TMPRSS9: variants seen among roughly 807,000 people sequenced by gnomAD.
The protein encoded by TMPRSS9 is transmembrane serine protease 9.
A neutral mutation model predicts 111.4 loss-of-function variants in TMPRSS9; 113 were observed. The ratio of observed to expected loss-of-function variants is 1.01; its 90% CI spans 0.87 to 1.19. The LOEUF (loss-of-function observed/expected upper bound fraction) is 1.19. TMPRSS9 is among the 50% of genes most tolerant of loss of function. The pLI is 0.00. For synonymous variants in TMPRSS9, 805 were observed against 659.1 expected (o/e 1.22, Z -3.39); for missense variants, 1,803 against 1,513.1 (o/e 1.19, Z -3.18).
At chr19:2,397,102 G>T (rs1040516556) in intron 2 of TMPRSS9, among the ~76,000 whole-genome samples, 1 of 151,692 alleles carries the variant, frequency 6.6e-6, no homozygotes, top group Non-Finnish European at 1.5e-5. Context: ...TGTATTTTTA[G>T]TAGAGACGGG....
intron 6 of TMPRSS9, 66 bp from the exon 8 acceptor site, chr19:2,405,308 G>C: frequency 8.6e-6 from 13 of 1,509,930 alleles, no homozygotes; most frequent in Non-Finnish European, 1.1e-5. Context: ...AGAGATGCAT[G>C]TTCTGGGAGT....
At chr19:2,409,600 G>C (rs993797369) in intron 8 of TMPRSS9, among the ~76,000 whole-genome samples, 1 of 152,130 alleles carries the variant, frequency 6.6e-6, no homozygotes, top group African/African-American at 2.4e-5. Context: ...GGTGGGGGTG[G>C]CAGCTGCAGC....
chr19:2,369,266 T>G, intron 1 of TMPRSS9, among the ~76,000 whole-genome samples: 1 of 97,666 alleles, frequency 1.0e-5, no homozygotes, highest in African/African-American at 3.1e-5. Flanking sequence ...TTAAAAAAAA[T>G]TTTTTTGTAC....
intron 8 of TMPRSS9, 55 bp downstream of exon 9, chr19:2,408,685 C>G: frequency 6.4e-7 from 1 of 1,571,420 alleles, no homozygotes; most frequent in African/African-American, 1.3e-5. Flanking sequence ...GGGCAAATAA[C>G]GCAGAAAAGG....
intron 1 of TMPRSS9, among the ~76,000 whole-genome samples, chr19:2,382,695 A>C (rs7246609): frequency 6.6e-6 from 1 of 151,770 alleles, no homozygotes; most frequent in African/African-American, 2.4e-5. Context: ...ACATGCACAC[A>C]TGCACACACA....
At position 2,422,038 on chromosome 19, in the gene TMPRSS9, C is replaced by T. The variant is rs139183825; in HGVS notation, c.2339C>T (p.Ser780Leu). Reference sequence around the variant, plus strand: ...CAGCCCCTTCCCATGTCTCCCCCCTCGACCACAAGGATGCTGGCCACCACC... The same window carrying T: ...CAGCCCCTTCCCATGTCTCCCCCCTTGACCACAAGGATGCTGGCCACCACC... The change falls in exon 14 of 18, where the codon TCG becomes TTG. Residue 780 changes from serine to leucine, a missense_variant. Coordinates refer to ENST00000648592, the Ensembl canonical transcript of TMPRSS9. The T allele has an allele frequency of 3.2e-4, 518 of 1,612,744 alleles. No homozygotes were observed. The highest frequency in any genetic ancestry group is 5.8e-4 in the Admixed American group (35 of 59,972).
chr19:2,401,255 CAGAG>C (rs1358635740), intron 4 of TMPRSS9, among the ~76,000 whole-genome samples: 1 of 151,772 alleles, frequency 6.6e-6, no homozygotes, highest in Non-Finnish European at 1.5e-5. Flanking sequence ...GCCTGGGCGA[CAGAG>C]GGAGACTCCG....
At chr19:2,405,728 C>T (rs1299211258) in intron 7 of TMPRSS9, among the ~76,000 whole-genome samples, 183 bp downstream of exon 8, 3 of 140,524 alleles carry the variant, frequency 2.1e-5, no homozygotes, top group Non-Finnish European at 4.6e-5. Flanking sequence ...TTTTTTGAGA[C>T]AGAATCTCGC....
chr19:2,417,791 G>A (rs1349526820), intron 12 of TMPRSS9, among the ~76,000 whole-genome samples: 4 of 152,172 alleles, frequency 2.6e-5, no homozygotes, highest in Non-Finnish European at 5.9e-5. Flanking sequence ...CAGCCCCATG[G>A]GGACAGTGGG....
chr19:2,380,997 C>A (rs1482223376), intron 1 of TMPRSS9, among the ~76,000 whole-genome samples: 1 of 152,096 alleles, frequency 6.6e-6, no homozygotes, highest in African/African-American at 2.4e-5. Flanking sequence ...GTGTCTAAAT[C>A]AAAGACCCCT....
chr19:2,395,278 G>C (rs1267032328), intron 1 of TMPRSS9, among the ~76,000 whole-genome samples: 1 of 152,050 alleles, frequency 6.6e-6, no homozygotes, highest in Non-Finnish European at 1.5e-5. Flanking sequence ...AAACTAGCCA[G>C]GTGTGGTGGT....
chr19:2,404,874 G>A (rs1259746792), intron 6 of TMPRSS9, among the ~76,000 whole-genome samples: 1 of 150,064 alleles, frequency 6.7e-6, no homozygotes, highest in African/African-American at 2.5e-5. Context: ...AGAGCTTGCA[G>A]TGAGTTGAGA....
chr19:2,407,877 C>T (rs928831715), intron 7 of TMPRSS9, among the ~76,000 whole-genome samples: 2 of 151,914 alleles, frequency 1.3e-5, no homozygotes, highest in East Asian at 1.9e-4. Flanking sequence ...CTCCACCTCC[C>T]GGGTTCAAGC....
intron 5 of TMPRSS9, 141 bp from the exon 7 acceptor site, chr19:2,402,935 CAAAAAT>C (rs1970882656): frequency 1.6e-6 from 1 of 633,978 alleles, no homozygotes; most frequent in South Asian, 1.8e-5. Context: ...GTCTCAAAAA[CAAAAAT>C]AAAAACAAGG....
chr19:2,407,462 A>G (rs1031642295), intron 7 of TMPRSS9, among the ~76,000 whole-genome samples: 15 of 151,704 alleles, frequency 9.9e-5, no homozygotes, highest in Non-Finnish European at 1.9e-4. Flanking sequence ...GGGAGGTGGA[A>G]GTTGCAGTGA....
At chr19:2,360,749 G>C (rs1970188158) in intron 1 of TMPRSS9, among the ~76,000 whole-genome samples, 1 of 151,754 alleles carries the variant, frequency 6.6e-6, no homozygotes, top group Non-Finnish European at 1.5e-5. Flanking sequence ...GCGTGTGGAT[G>C]CGGCCGGGGT....
At chr19:2,424,143 G>A in exon 15 of TMPRSS9, 1 of 1,440,584 alleles carries the variant, frequency 6.9e-7, no homozygotes, top group African/African-American at 1.5e-5. Context: ...AGCGCAGCGG[G>A]CCGTGGGGAG....
chr19:2,406,769 C>CT, intron 7 of TMPRSS9, among the ~76,000 whole-genome samples: 1 of 150,432 alleles, frequency 6.6e-6, no homozygotes, highest in South Asian at 2.1e-4. Context: ...TTTGCATTCA[C>CT]TTTGATTTTT....
exon 14 of TMPRSS9, chr19:2,421,868 C>G (rs766001493): frequency 1.2e-6 from 2 of 1,601,946 alleles, no homozygotes; most frequent in South Asian, 2.2e-5. Flanking sequence ...ACTCTGGGGG[C>G]CCCCTGGCCT....
Sources: gnomAD v4.1 joint callset for allele counts (sites outside exome capture counted in the v4.1 genomes callset) on GRCh38, gnomAD v4.1.1 for gene constraint, MANE v1.5 for transcripts, NCBI Gene and HGNC (gene_info 2026-07-23, HGNC 2026-07-21) for gene names.